The following ITSN1 variants were observed in gnomAD, a reference collection of about 807,000 sequenced individuals.
ITSN1 encodes intersectin 1.
In ITSN1, 58 loss-of-function variants were observed where a neutral mutation model predicts 239.8. That is an observed-to-expected ratio of 0.24 (90% confidence interval 0.20 to 0.30). ITSN1 has a LOEUF of 0.30. Among genes scored for constraint, ITSN1 ranks in the 10% least tolerant of loss-of-function variants. The pLI, the probability that ITSN1 is intolerant of heterozygous loss-of-function variation, is 1.00. For missense variants in ITSN1, 1,558 were observed against 2,103.3 expected, an observed-to-expected ratio of 0.74 and a Z score of 5.07; for synonymous variants, 780 against 770.8, an observed-to-expected ratio of 1.01 and a Z score of -0.20.
rs534080544 is a variant in ITSN1, at chr21:33,862,434, G to A, written c.3891-2717G>A. On this transcript the variant is annotated intron_variant, in intron 31 of 39. Coordinates refer to ENST00000381318, the MANE Select transcript of ITSN1 (RefSeq NM_003024.3). Reference sequence around the variant, plus strand: ...AAAAATAAAAAATAAAAATCAGTTTGGGGTAATGACAGATGGTGAGAAAGA... The same window carrying A: ...AAAAATAAAAAATAAAAATCAGTTTAGGGTAATGACAGATGGTGAGAAAGA... 1.6e-4 allele frequency among the ~76,000 whole-genome samples: 24 copies of A among 152,262 alleles called. 1 individual carries two copies. In the South Asian group the frequency reaches 4.8e-3, roughly 30 times the overall value.
chr21:33,841,913 CT>C (rs1569291040), intron 29 of ITSN1, among the ~76,000 whole-genome samples: 1 of 150,530 alleles, frequency 6.6e-6, no homozygotes, highest in East Asian at 2.0e-4. Context: ...GAATGTTCCG[CT>C]TCAGCCAGAG....
rs937637413 is a variant in ITSN1, at chr21:33,654,291, A to C, written c.-33+11578A>C. Reference sequence around the variant, plus strand: ...GGCTGGTCATGAACTTCTGGACTCAAGTGGACCTCTCGCCTCAGCCTCCCC... The same window carrying C: ...GGCTGGTCATGAACTTCTGGACTCACGTGGACCTCTCGCCTCAGCCTCCCC... On this transcript the variant is annotated intron_variant, in intron 1 of 39. Coordinates refer to ENST00000381318, the MANE Select transcript of ITSN1 (RefSeq NM_003024.3). 4.0e-5 allele frequency among the ~76,000 whole-genome samples: 6 copies of C among 150,952 alleles called. No individual in the cohort carries two copies. The South Asian group carries it at 1.1e-3, about 26-fold the overall frequency.
chr21:33,853,462 T>G (rs1170071319), intron 29 of ITSN1, among the ~76,000 whole-genome samples: 5 of 152,216 alleles, frequency 3.3e-5, no homozygotes, highest in Non-Finnish European at 7.3e-5. Flanking sequence ...ACCCTGAACC[T>G]TCTGCTGTTG....
intron 1 of ITSN1, among the ~76,000 whole-genome samples, chr21:33,663,080 A>G (rs766493206): frequency 6.6e-6 from 1 of 152,236 alleles, no homozygotes; most frequent in Non-Finnish European, 1.5e-5. Context: ...GCATTAGTCT[A>G]CCTTGCCTAG....
chr21:33,717,680 C>T (rs534155833), intron 1 of ITSN1, among the ~76,000 whole-genome samples: 3 of 151,802 alleles, frequency 2.0e-5, no homozygotes, highest in East Asian at 2.0e-4. Context: ...CTCAGCCTCC[C>T]GAGTAGCTGG....
Position 33,797,693 on chromosome 21 carries a change from C to T in ITSN1, c.2182+85C>T. On this transcript the variant is annotated intron_variant, in intron 18 of 39. Coordinates refer to ENST00000381318, the MANE Select transcript of ITSN1 (RefSeq NM_003024.3). The surrounding 1 kb of genome is among the most constrained non-coding windows in gnomAD (Gnocchi z 4.9). ...AAAAATGCCCCTATCTCATCAGTAC[C>T]TGTCTTGGCTACATTAACAGATGAG... 1 of 986,412 alleles carries T rather than the reference C, an allele frequency of 1.0e-6. No individual in the cohort carries two copies. Among genetic ancestry groups the T allele is most frequent in the Non-Finnish European group, 1.5e-6 (1 of 653,460 alleles). The allele number at this position is 986,412 out of a possible 1,614,324, so 61.1% of individuals were successfully genotyped here. A position where few individuals can be genotyped will look rare whatever the true frequency, so the allele number is the denominator to read the frequency against.
chr21:33,741,734 T>C (rs2066861185), intron 5 of ITSN1, among the ~76,000 whole-genome samples: 1 of 63,834 alleles, frequency 1.6e-5, no homozygotes, highest in South Asian at 5.2e-4. Flanking sequence ...CTACTAAAAA[T>C]ACAAAAAAAA....
chr21:33,817,903 C>G (rs2073395729), intron 22 of ITSN1: 1 of 320,370 alleles, frequency 3.1e-6, no homozygotes, highest in Non-Finnish European at 5.7e-6. Flanking sequence ...AAATGCCAGT[C>G]AAATTGGAAA....
chr21:33,810,878 C>A, intron 20 of ITSN1, 97 bp from the exon 21 acceptor site: 3 of 1,365,390 alleles, frequency 2.2e-6, no homozygotes, highest in South Asian at 1.2e-5. Context: ...ATATGTCAAT[C>A]TAAAGAGGGC....
chr21:33,727,898 G>A (rs935464162), intron 4 of ITSN1, among the ~76,000 whole-genome samples: 2 of 151,634 alleles, frequency 1.3e-5, no homozygotes, highest in African/African-American at 2.4e-5. Context: ...CCCACTGTTC[G>A]AGCATCTGGA....
chr21:33,741,725 T>C (rs2066860555), intron 5 of ITSN1, among the ~76,000 whole-genome samples: 1 of 92,992 alleles, frequency 1.1e-5, no homozygotes, highest in Admixed American at 1.3e-4. Flanking sequence ...ACTCCGTCTC[T>C]ACTAAAAATA....
rs1056723313 is a variant in ITSN1, at chr21:33,881,047, A to G, written c.4342-1196A>G. 1.8e-4 allele frequency among the ~76,000 whole-genome samples: 27 copies of G among 151,698 alleles called. 1 individual carries two copies. Among genetic ancestry groups the G allele is most frequent in the Admixed American group, 1.6e-3 (24 of 15,194 alleles). On this transcript the variant is annotated intron_variant, in intron 34 of 39. Coordinates refer to ENST00000381318, the MANE Select transcript of ITSN1 (RefSeq NM_003024.3). ...TCCCTTCCTGTTTGCTGAGCGGGTG[A>G]GTCGGGTGAGGTTTCATGTGCGCAG...
rs1986496802 is a variant in ITSN1 at position 33,893,430 on chromosome 21, A to G, written c.*5130A>G. The G allele has an allele frequency of 6.6e-6, 1 of 152,110 alleles. No individual in the cohort carries two copies. The highest frequency in any genetic ancestry group is 2.4e-5 in the African/African-American group (1 of 41,374). The allele number at this position is 152,110 out of a possible 1,614,324, so 9.4% of individuals were successfully genotyped here. On this transcript the variant is annotated 3_prime_UTR_variant, in exon 40 of 40. Transcript: ENST00000381318. ...CGTGGCGAAACCTTGTCTCTACTAA[A>G]AATACAAAAATTAGCCAGGGGTGGT...
At position 33,690,775 on chromosome 21, in the gene ITSN1, GTATATATATATATACATATATATATA is replaced by G. The variant is rs1227484362; in HGVS notation, c.-32-28008_-32-27983del. Among the ~76,000 whole-genome samples, 7 of 21,624 alleles carry G rather than the reference GTATATATATATATACATATATATATA, an allele frequency of 3.2e-4. 1 individual carries two copies. Among genetic ancestry groups the G allele is most frequent in the Non-Finnish European group, 5.6e-4 (6 of 10,680 alleles). The allele number at this position is 21,624 out of a possible 152,430, so 14.2% of individuals were successfully genotyped here. A position where few individuals can be genotyped will look rare whatever the true frequency, so the allele number is the denominator to read the frequency against. On this transcript the variant is annotated intron_variant, in intron 1 of 39. Coordinates refer to ENST00000381318, the MANE Select transcript of ITSN1 (RefSeq NM_003024.3). ...GGCTCTGCCTCAGAAAAAAAAAAGTGTATATATATATATACATATATATATATATATATATATATGTATATATATAT... is the reference window on the plus strand; with the variant it reads ...GGCTCTGCCTCAGAAAAAAAAAAGTGTATATATATATATGTATATATATAT...
chr21:33,728,236 A>C (rs112131414), intron 4 of ITSN1, among the ~76,000 whole-genome samples: 1 of 151,956 alleles, frequency 6.6e-6, no homozygotes, highest in South Asian at 2.1e-4. Flanking sequence ...AAGTGCTGGG[A>C]TTATAGGCAT....
At chr21:33,842,722 C>T (rs1379393175) in intron 29 of ITSN1, among the ~76,000 whole-genome samples, 2 of 152,140 alleles carry the variant, frequency 1.3e-5, no homozygotes, top group East Asian at 3.8e-4. Context: ...ATGTTGCAAG[C>T]CTCAAAAGAG....
chr21:33,799,808 A>T lies in ITSN1; in HGVS notation c.2183A>T (p.Glu728Val). 6.2e-7 allele frequency: 1 copy of T among 1,611,960 alleles called. No homozygotes were observed. Among genetic ancestry groups the T allele is most frequent in the Non-Finnish European group, 8.5e-7 (1 of 1,179,116 alleles). Residue 728 changes from glutamate (E) to valine (V), a missense_variant and splice_region_variant, in exon 19 of 40, where the codon GAA (glutamate) becomes GTA (valine). Glu to Val is a moderately radical substitution (Grantham distance 121). Transcript: ENST00000381318. ...CCCCCCCACCTTTTTTTGTAAACAGAAAAAGGTCCACTTACCATTTCTGCA... is the reference window on the plus strand; with the variant it reads ...CCCCCCCACCTTTTTTTGTAAACAGTAAAAGGTCCACTTACCATTTCTGCA... ...PAVQAPWSTA[E>V]KGPLTISAQE... is the part of the protein sequence containing the mutation.
chr21:33,850,298 A>G (rs1303333426), intron 29 of ITSN1, among the ~76,000 whole-genome samples: 1 of 152,202 alleles, frequency 6.6e-6, no homozygotes, highest in Non-Finnish European at 1.5e-5. Flanking sequence ...ACCCAGCTAC[A>G]TGGGGCAAGA....
At chr21:33,859,360 C>A (rs531100393) in intron 31 of ITSN1, among the ~76,000 whole-genome samples, 1 of 152,264 alleles carries the variant, frequency 6.6e-6, no homozygotes, top group African/African-American at 2.4e-5. Flanking sequence ...TTACTCACTG[C>A]CTTTCCTTTT....
Sources: allele counts gnomAD v4.1 joint callset (sites outside exome capture counted in the v4.1 genomes callset), GRCh38; gene constraint gnomAD v4.1.1; non-coding constraint Gnocchi (gnomAD v3.1); transcripts MANE v1.5; gene names NCBI Gene and HGNC (gene_info 2026-07-23, HGNC 2026-07-21).